Variants in ADNP observed in about 807,000 individuals in gnomAD.
The protein encoded by ADNP is activity-dependent neuroprotector homeobox protein.
A neutral mutation model predicts 84.9 loss-of-function variants in ADNP; 4 were observed. That is an observed-to-expected ratio of 0.05 (90% CI 0.02 to 0.11). The LOEUF (loss-of-function observed/expected upper bound fraction) is 0.11, where lower values mean the gene tolerates loss of function less well. Ranked by LOEUF, ADNP falls within the 10% of genes least tolerant of loss-of-function variation. The pLI is 1.00. For missense variants in ADNP, 1,132 were observed against 1,326.0 expected, an observed-to-expected ratio of 0.85 and a Z score of 2.27; for synonymous variants, 554 against 468.1, an observed-to-expected ratio of 1.18 and a Z score of -2.37.
intron 2 of ADNP, chr20:50,914,260 G>A (rs1055563215): frequency 1.8e-5 from 13 of 709,008 alleles, no homozygotes; most frequent in Admixed American, 1.1e-4. Flanking sequence ...TCCACACTTA[G>A]TCTGTGATAA....
At chr20:50,917,792 A>G (rs1983628273) in intron 2 of ADNP, among the ~76,000 whole-genome samples, 1 of 152,176 alleles carries the variant, frequency 6.6e-6, no homozygotes, top group Admixed American at 6.5e-5. Context: ...TATTCATAAT[A>G]CCCCCAAAAT....
At chr20:50,926,919 CTTAT>C (rs1384835269) in intron 2 of ADNP, among the ~76,000 whole-genome samples, 29 of 139,050 alleles carry the variant, frequency 2.1e-4, no homozygotes, top group Admixed American at 1.3e-3. Context: ...CCAGCATCAT[CTTAT>C]TTAATCAATA....
rs138120467 is a variant in ADNP, at chr20:50,910,272, T to G, written c.-89-5423A>C. ...AGTTAAACACCCTAAATTCTAGAAT[T>G]CAGAGAAAGCTCAATGACCTATTAA... On this transcript the variant is annotated intron_variant, in intron 2 of 5. Transcript: ENST00000621696. 8.1e-4 allele frequency among the ~76,000 whole-genome samples: 123 copies of G among 152,292 alleles called. 1 individual carries two copies. Among genetic ancestry groups the G allele is most frequent in the African/African-American group, 2.9e-3 (119 of 41,558 alleles).
intron 5 of ADNP, among the ~76,000 whole-genome samples, chr20:50,900,057 A>G (rs1411855545): frequency 6.6e-6 from 1 of 152,180 alleles, no homozygotes; most frequent in African/African-American, 2.4e-5. Context: ...GTGTGTTTAT[A>G]AAGTCTACAG....
rs944792852 is a variant in ADNP at position 50,889,772 on chromosome 20, C to CAA, written c.*1631_*1632dup. The stretch of plus-strand genomic sequence containing the variant: ...CCTTGTAACTTTCTGCTTTTTAGTA[C>CAA]AAGTTCTCTTGGGAATCTACGCATG... On this transcript the variant is annotated 3_prime_UTR_variant, in exon 6 of 6. Transcript: ENST00000621696. 7.6e-6 allele frequency: 3 copies of CAA among 397,320 alleles called. No individual in the cohort carries two copies. The highest frequency in any genetic ancestry group is 1.3e-5 in the Non-Finnish European group (3 of 225,504). The allele number at this position is 397,320 out of a possible 1,614,324, so 24.6% of individuals were successfully genotyped here. A position where few individuals can be genotyped will look rare whatever the true frequency, so the allele number is the denominator to read the frequency against.
intron 5 of ADNP, among the ~76,000 whole-genome samples, chr20:50,895,910 G>A (rs549515065): frequency 6.6e-6 from 1 of 152,222 alleles, no homozygotes; most frequent in Non-Finnish European, 1.5e-5. Context: ...TGACTCTTTT[G>A]TAGTAATACT....
chr20:50,922,074 A>G (rs1228957341), intron 2 of ADNP, among the ~76,000 whole-genome samples: 1 of 152,174 alleles, frequency 6.6e-6, no homozygotes, highest in Non-Finnish European at 1.5e-5. Flanking sequence ...GAAAAAGGGA[A>G]ATAATTCACA....
chr20:50,897,261 A>G (rs905939353), intron 5 of ADNP, among the ~76,000 whole-genome samples: 1 of 152,094 alleles, frequency 6.6e-6, no homozygotes, highest in Non-Finnish European at 1.5e-5. Flanking sequence ...AGACTTAAGG[A>G]GCTTGCTGAG....
chr20:50,930,203 T>G (rs966876431), intron 1 of ADNP, among the ~76,000 whole-genome samples: 17 of 152,240 alleles, frequency 1.1e-4, no homozygotes, highest in Admixed American at 9.8e-4. Flanking sequence ...GCTCAGAATG[T>G]TCGAAAGAGG....
At chr20:50,911,407 T>G (rs1031934746) in intron 2 of ADNP, among the ~76,000 whole-genome samples, 1 of 152,224 alleles carries the variant, frequency 6.6e-6, no homozygotes, top group Non-Finnish European at 1.5e-5. Context: ...TTCATTCTTC[T>G]GCACTATGGC....
rs754857380 is a variant in ADNP, at chr20:50,893,510, G to C, written c.1204C>G (p.Leu402Val). ...GGAGACTTTAACTGGCCCGATGAGA[G>C]AGAAGAGGCATTAGCAGACTGCAGG... ...YSLQSANASS[L>V]SSGQLKSPSL... Residue 402 changes from leucine to valine, a missense_variant, in exon 6 of 6, where the codon CTC becomes GTC. Physicochemically the swap from Leu to Val is conservative, Grantham distance 32. This residue lies in a region of ADNP where 239 missense variants were observed against 213.2 expected (regional missense o/e 1.12). Coordinates refer to ENST00000621696, the MANE Select transcript of ADNP (RefSeq NM_001282531.3). The surrounding 1 kb of genome is among the most constrained non-coding windows in gnomAD (Gnocchi z 4.4). 4.3e-6 allele frequency: 7 copies of C among 1,613,684 alleles called. No homozygotes were observed. The highest frequency in any genetic ancestry group is 2.7e-5 in the African/African-American group (2 of 74,904).
chr20:50,910,733 C>T (rs934168623), intron 2 of ADNP, among the ~76,000 whole-genome samples: 4 of 152,136 alleles, frequency 2.6e-5, no homozygotes, highest in Admixed American at 6.5e-5. Context: ...CAGCTCACTG[C>T]AGCCTCAATT....
At chr20:50,917,195 G>A (rs1282313088) in intron 2 of ADNP, among the ~76,000 whole-genome samples, 1 of 152,140 alleles carries the variant, frequency 6.6e-6, no homozygotes, top group Non-Finnish European at 1.5e-5. Context: ...TGTTCCCTAC[G>A]TACATCTGAA....
chr20:50,900,046 A>G (rs1981812256), intron 5 of ADNP, among the ~76,000 whole-genome samples: 1 of 152,150 alleles, frequency 6.6e-6, no homozygotes, highest in Non-Finnish European at 1.5e-5. Context: ...ATGTAGCCTA[A>G]GTGTGTTTAT....
intron 2 of ADNP, among the ~76,000 whole-genome samples, chr20:50,908,699 A>G (rs1433776828): frequency 6.6e-6 from 1 of 152,076 alleles, no homozygotes; most frequent in African/African-American, 2.4e-5. Context: ...GTGTGAACCC[A>G]GGAGGCAGAG....
intron 2 of ADNP, among the ~76,000 whole-genome samples, chr20:50,923,591 C>T (rs1984097889): frequency 1.3e-5 from 2 of 152,120 alleles, no homozygotes; most frequent in Admixed American, 1.3e-4. Context: ...CATCTTGGCT[C>T]ACTGCAACCT....
At chr20:50,901,974 A>T in intron 5 of ADNP, 43 bp downstream of exon 5, 1 of 1,434,312 alleles carries the variant, frequency 7.0e-7, no homozygotes. Flanking sequence ...AAGGGAGTAT[A>T]CCAAGCATGC....
rs751466553 is a variant in ADNP at position 50,893,407 on chromosome 20, G to A, written c.1307C>T (p.Pro436Leu). 14 of 1,614,150 alleles carry A rather than the reference G, an allele frequency of 8.7e-6. No homozygotes were observed. Among genetic ancestry groups the A allele is most frequent in the Non-Finnish European group, 1.2e-5 (14 of 1,180,004 alleles). ...TTGAGTTGAGGAAGTGTTACCTGGG[G>A]GAGGGCCTGTGGCAGCTGCAGCAGG... ...SKPAAAATGP[P>L]PGNTSSTQKW... is the part of the protein sequence containing the mutation. Residue 436 changes from proline (P) to leucine (L), a missense_variant, in exon 6 of 6, where the codon CCC becomes CTC. Physicochemically the swap from Pro to Leu is moderately conservative, Grantham distance 98 (BLOSUM62 -3). Transcript: ENST00000621696. The surrounding 1 kb of genome is among the most constrained non-coding windows in gnomAD (Gnocchi z 4.4).
intron 4 of ADNP, among the ~76,000 whole-genome samples, chr20:50,902,361 T>C (rs918222002): frequency 6.6e-6 from 1 of 152,156 alleles, no homozygotes; most frequent in Non-Finnish European, 1.5e-5. Flanking sequence ...GAAGTTCTAA[T>C]TAAGTAAAAA....
Sources: allele counts gnomAD v4.1 joint callset (sites outside exome capture counted in the v4.1 genomes callset), GRCh38; gene constraint gnomAD v4.1.1; regional missense constraint gnomAD v4.1.1; non-coding constraint Gnocchi (gnomAD v3.1); transcripts MANE v1.5; gene names NCBI Gene and HGNC (gene_info 2026-07-23, HGNC 2026-07-21).